OTUD7A: variants seen among roughly 807,000 people sequenced by gnomAD.
OTUD7A encodes the protein OTU domain-containing protein 7A.
OTUD7A carries 12 observed loss-of-function variants against 65.7 expected under a neutral mutation model. The ratio of observed to expected loss-of-function variants is 0.18; its 90% CI spans 0.12 to 0.30. The LOEUF (loss-of-function observed/expected upper bound fraction) is 0.30, where lower values mean the gene tolerates loss of function less well. Ranked by LOEUF, OTUD7A falls within the 10% of genes least tolerant of loss-of-function variation. The pLI is 1.00. For synonymous variants in OTUD7A, 641 were observed against 586.3 expected (o/e 1.09, Z -1.35); for missense variants, 1,148 against 1,304.8 (o/e 0.88, Z 1.85).
At chr15:31,777,302 A>G (rs1567017787) in intron 1 of OTUD7A, among the ~76,000 whole-genome samples, 1 of 152,134 alleles carries the variant, frequency 6.6e-6, no homozygotes, top group Non-Finnish European at 1.5e-5. Context: ...TCACTTCCCA[A>G]TCCCATCACC....
chr15:31,568,464 G>C (rs967285473), intron 4 of OTUD7A, among the ~76,000 whole-genome samples: 1 of 152,232 alleles, frequency 6.6e-6, no homozygotes, highest in African/African-American at 2.4e-5. Flanking sequence ...AGGCTCACAG[G>C]TGGAAGGGAC....
At chr15:31,730,726 C>T (rs768573955) in intron 1 of OTUD7A, among the ~76,000 whole-genome samples, 19 of 152,226 alleles carry the variant, frequency 1.2e-4, no homozygotes, top group Non-Finnish European at 2.4e-4. Context: ...GATACTCAGG[C>T]TTCCTACGAC....
At chr15:31,590,020 C>A (rs1889670765) in intron 3 of OTUD7A, among the ~76,000 whole-genome samples, 1 of 152,174 alleles carries the variant, frequency 6.6e-6, no homozygotes, top group African/African-American at 2.4e-5. Context: ...CACACACATA[C>A]ATACACACAC....
At chr15:31,661,363 T>C (rs1472126183) in intron 1 of OTUD7A, among the ~76,000 whole-genome samples, 1 of 152,224 alleles carries the variant, frequency 6.6e-6, no homozygotes, top group African/African-American at 2.4e-5. Context: ...AGTGGGGCAC[T>C]AGAAATTGTA....
chr15:31,686,831 C>T (rs531717609), intron 1 of OTUD7A, among the ~76,000 whole-genome samples: 367 of 152,246 alleles, frequency 2.4e-3, no homozygotes, highest in African/African-American at 8.3e-3. Context: ...ACAGAGCGGT[C>T]TTCTCTGTGA....
intron 8 of OTUD7A, among the ~76,000 whole-genome samples, chr15:31,504,478 C>A (rs1311252507): frequency 6.6e-6 from 1 of 152,216 alleles, no homozygotes; most frequent in Admixed American, 6.5e-5. Flanking sequence ...AACCCTAAGA[C>A]GTTCGGGCAG....
At chr15:31,743,647 C>T (rs1894399956) in intron 1 of OTUD7A, among the ~76,000 whole-genome samples, 1 of 152,062 alleles carries the variant, frequency 6.6e-6, no homozygotes. Context: ...TAGCTCATGC[C>T]TGTAATCCCA....
chr15:31,822,523 G>A (rs906958135), intron 1 of OTUD7A, among the ~76,000 whole-genome samples: 2 of 152,176 alleles, frequency 1.3e-5, no homozygotes, highest in Admixed American at 1.3e-4. Flanking sequence ...TGCTGTGGAG[G>A]GACTGTGATT....
chr15:31,696,403 G>A (rs993420473), intron 1 of OTUD7A, among the ~76,000 whole-genome samples: 1 of 120,084 alleles, frequency 8.3e-6, no homozygotes, highest in African/African-American at 2.8e-5. Flanking sequence ...CTGAAATCTT[G>A]GTGCCTTCCC....
intron 1 of OTUD7A, among the ~76,000 whole-genome samples, chr15:31,773,327 C>T (rs1244626267): frequency 2.0e-5 from 3 of 152,172 alleles, no homozygotes; most frequent in Non-Finnish European, 2.9e-5. Flanking sequence ...TGTAGCTTAT[C>T]GACAATTTCT....
intron 6 of OTUD7A, among the ~76,000 whole-genome samples, chr15:31,528,442 G>A (rs953587653): frequency 6.6e-6 from 1 of 152,262 alleles, no homozygotes; most frequent in African/African-American, 2.4e-5. Context: ...TGAGCCTCTG[G>A]AGAGTCTACA....
chr15:31,612,579 C>T (rs576931461), intron 3 of OTUD7A, among the ~76,000 whole-genome samples: 3 of 152,098 alleles, frequency 2.0e-5, no homozygotes, highest in South Asian at 2.1e-4. Flanking sequence ...TAGGAATATA[C>T]CTAACTGAGG....
chr15:31,711,302 C>T (rs900638484), intron 1 of OTUD7A, among the ~76,000 whole-genome samples: 3 of 152,092 alleles, frequency 2.0e-5, no homozygotes, highest in Non-Finnish European at 4.4e-5. Flanking sequence ...ATTACAAAAT[C>T]AGGGCACACT....
chr15:31,801,037 C>T lies in OTUD7A; in HGVS notation c.-100+69470G>A, dbSNP rs139049763. Among the ~76,000 whole-genome samples, 788 of 139,702 alleles carry T rather than the reference C, an allele frequency of 5.6e-3. 3 individuals are homozygous for T. Among genetic ancestry groups the T allele is most frequent in the Middle Eastern group, 0.02 (5 of 248 alleles). 91.6% of individuals were successfully genotyped at this position (139,702 alleles called of 152,430 possible). A position where few individuals can be genotyped will look rare whatever the true frequency, so the allele number is the denominator to read the frequency against. ...AATACACACGCAGCTTAATGTAGAG[C>T]ATTATCCAGCAGCCTCAAAAAAAAA... On this transcript the variant is annotated intron_variant, in intron 1 of 12. Coordinates refer to ENST00000307050, the MANE Select transcript of OTUD7A (RefSeq NM_001382637.1).
At chr15:31,664,474 C>T (rs35657257) in intron 1 of OTUD7A, among the ~76,000 whole-genome samples, 2 of 152,060 alleles carry the variant, frequency 1.3e-5, no homozygotes, top group African/African-American at 2.4e-5. Context: ...CTTTTGAGAA[C>T]TGTCTATTCA....
chr15:31,575,480 T>C (rs1039934492), intron 3 of OTUD7A, among the ~76,000 whole-genome samples: 4 of 152,178 alleles, frequency 2.6e-5, no homozygotes, highest in African/African-American at 9.7e-5. Flanking sequence ...GAGCGTACCA[T>C]AAACAGCAGG....
Position 31,769,712 on chromosome 15 carries a change from A to G in OTUD7A, c.-100+100795T>C, listed in dbSNP as rs542560846. On this transcript the variant is annotated intron_variant, in intron 1 of 12. Coordinates refer to ENST00000307050, the MANE Select transcript of OTUD7A (RefSeq NM_001382637.1). ...CTGAGTGAAGGAAGCCAGTCCAAAC[A>G]TAATACATAGCATATGATTCCATTT... Among the ~76,000 whole-genome samples, 4 of 152,364 alleles carry G rather than the reference A, an allele frequency of 2.6e-5. No homozygotes were observed. The East Asian group carries it at 7.7e-4, about 29-fold the overall frequency.
chr15:31,592,907 A>G lies in OTUD7A; in HGVS notation c.152-22710T>C, dbSNP rs1316013536. On this transcript the variant is annotated intron_variant, in intron 3 of 12. Coordinates refer to ENST00000307050, the MANE Select transcript of OTUD7A (RefSeq NM_001382637.1). The stretch of plus-strand genomic sequence containing the variant: ...AAAAAAAAAAAAAAAAAAAAAAAAT[A>G]TATATATATATATATATATATATAT... 9.6e-3 allele frequency among the ~76,000 whole-genome samples: 471 copies of G among 48,916 alleles called. 3 individuals carry two copies. The highest frequency in any genetic ancestry group is 0.024 in the South Asian group (26 of 1,106). The allele number at this position is 48,916 out of a possible 152,430, so 32.1% of individuals were successfully genotyped here.
intron 1 of OTUD7A, among the ~76,000 whole-genome samples, chr15:31,818,602 C>T (rs978693148): frequency 5.3e-5 from 8 of 152,142 alleles, no homozygotes; most frequent in Non-Finnish European, 8.8e-5. Context: ...CTGAGAGCCA[C>T]GGCCTGACCT....
Sources: allele counts gnomAD v4.1 joint callset (sites outside exome capture counted in the v4.1 genomes callset), GRCh38; gene constraint gnomAD v4.1.1; transcripts MANE v1.5; gene names NCBI Gene and HGNC (gene_info 2026-07-23, HGNC 2026-07-21).